SFRP1: variants seen among roughly 807,000 people sequenced by gnomAD.
SFRP1 encodes the protein secreted frizzled-related protein 1.
In SFRP1, 9 loss-of-function variants were observed where a neutral mutation model predicts 25.9. The observed-to-expected ratio is 0.35, with a 90% CI of 0.21 to 0.61. SFRP1 has a LOEUF of 0.61. Ranked by LOEUF, SFRP1 falls within the 20% of genes least tolerant of loss-of-function variation. The pLI is 0.78. For synonymous variants in SFRP1, 178 were observed against 174.0 expected, an observed-to-expected ratio of 1.02 and a Z score of -0.18; for missense variants, 346 against 418.2, an observed-to-expected ratio of 0.83 and a Z score of 1.51.
At chr8:41,286,378 A>C (rs1803702071) in intron 2 of SFRP1, among the ~76,000 whole-genome samples, 1 of 152,222 alleles carries the variant, frequency 6.6e-6, no homozygotes, top group Admixed American at 6.5e-5. Context: ...CCCGCCGCAC[A>C]AACACAGGGA....
At chr8:41,298,245 C>T (rs1255182697) in intron 2 of SFRP1, 4 of 152,106 alleles carry the variant, frequency 2.6e-5, no homozygotes, top group African/African-American at 4.8e-5. Context: ...CACGTGAGTT[C>T]GTGAAGTGTT....
chr8:41,303,585 G>A (rs1803955821), intron 1 of SFRP1, 47 bp from the exon 2 acceptor site: 1 of 1,487,102 alleles, frequency 6.7e-7, no homozygotes, highest in African/African-American at 1.4e-5. Flanking sequence ...TACAGAGCAG[G>A]AAGGGAGCAG....
chr8:41,296,922 T>C (rs1244996639), intron 2 of SFRP1, among the ~76,000 whole-genome samples: 5 of 152,234 alleles, frequency 3.3e-5, no homozygotes, highest in Admixed American at 1.3e-4. Context: ...CATAAGGATG[T>C]CATCTCACTA....
intron 2 of SFRP1, among the ~76,000 whole-genome samples, chr8:41,295,652 G>A (rs1187044393): frequency 6.6e-6 from 1 of 151,894 alleles, no homozygotes; most frequent in Non-Finnish European, 1.5e-5. Flanking sequence ...ATGCGCTGCA[G>A]CACTCACAGA....
chr8:41,265,523 G>A, intron 2 of SFRP1, 34 bp from the exon 3 acceptor site: 1 of 1,499,468 alleles, frequency 6.7e-7, no homozygotes, highest in South Asian at 1.3e-5. Flanking sequence ...AGAGAAAAGA[G>A]GGTAAGAGAA....
At chr8:41,289,716 A>G (rs1803752204) in intron 2 of SFRP1, among the ~76,000 whole-genome samples, 1 of 152,208 alleles carries the variant, frequency 6.6e-6, no homozygotes, top group South Asian at 2.1e-4. Flanking sequence ...CTGAAACCTA[A>G]ACAAAAGAGG....
Position 41,303,517 on chromosome 8 carries a change from CAGGG to C in SFRP1, c.562_565del (p.Pro188ValfsTer5). 1.9e-6 allele frequency: 3 copies of C among 1,613,950 alleles called. No homozygotes were observed. Among genetic ancestry groups the C allele is most frequent in the Non-Finnish European group, 2.5e-6 (3 of 1,179,906 alleles). ...GGCCTCAGATTTCAACTCGTTGTCA[CAGGG>C]AGGACACACCGTTGTGCCTGGGAAA... On this transcript the variant is annotated frameshift_variant, in exon 2 of 3. Coordinates refer to ENST00000220772, the MANE Select transcript of SFRP1 (RefSeq NM_003012.5). LOFTEE classifies it high-confidence loss of function.
In SFRP1 at chr8:41,308,942, T is replaced by C. The variant is rs767514199; in HGVS notation, c.218A>G (p.Tyr73Cys). The change falls in exon 1 of 3, where the codon TAC becomes TGC. Residue 73 changes from tyrosine (Y) to cysteine (C), a missense_variant. Physicochemically the swap from Tyr to Cys is radical, Grantham distance 194 (BLOSUM62 -2). Coordinates refer to ENST00000220772, the MANE Select transcript of SFRP1 (RefSeq NM_003012.5). ...CAGGTTGGGCAGCACCATCTTCTTG[T>C]AGCCCACGTTGTGGCACAGCCGCAG... ...ADLRLCHNVGYKKMVLPNLLE... is the reference protein window; with the variant it reads ...ADLRLCHNVGCKKMVLPNLLE... 3.7e-6 allele frequency: 6 copies of C among 1,613,460 alleles called. No individual in the cohort carries two copies. Among genetic ancestry groups the C allele is most frequent in the Non-Finnish European group, 3.4e-6 (4 of 1,179,930 alleles).
At chr8:41,269,893 C>T (rs7014496) in intron 2 of SFRP1, among the ~76,000 whole-genome samples, 22,867 of 152,082 alleles carry the variant, frequency 0.15, 2,876 homozygotes, top group East Asian at 0.38. Context: ...TACTAGAGAG[C>T]GCCTTCGTCA....
chr8:41,288,566 A>C (rs927067952), intron 2 of SFRP1, among the ~76,000 whole-genome samples: 4 of 133,448 alleles, frequency 3.0e-5, no homozygotes, highest in African/African-American at 8.6e-5. Flanking sequence ...AAAAAAAAAA[A>C]AACTGCAATG....
In SFRP1 at chr8:41,263,538, C is replaced by A. The variant is rs1803399168; in HGVS notation, c.*1629G>T. On this transcript the variant is annotated 3_prime_UTR_variant, in exon 3 of 3. Coordinates refer to ENST00000220772, the MANE Select transcript of SFRP1 (RefSeq NM_003012.5). ...CGCAGGGGGCCACTTTACAGCCTCACTGCAGCATCCTCACTGGGTATAAGC... is the reference window on the plus strand; with the variant it reads ...CGCAGGGGGCCACTTTACAGCCTCAATGCAGCATCCTCACTGGGTATAAGC... 6.6e-6 allele frequency: 1 copy of A among 152,264 alleles called. No individual in the cohort carries two copies. The highest frequency in any genetic ancestry group is 6.5e-5 in the Admixed American group (1 of 15,286). The allele number at this position is 152,264 out of a possible 1,614,324, so 9.4% of individuals were successfully genotyped here. A position where few individuals can be genotyped will look rare whatever the true frequency, so the allele number is the denominator to read the frequency against.
At chr8:41,278,476 T>A (rs571362002) in intron 2 of SFRP1, among the ~76,000 whole-genome samples, 1 of 152,344 alleles carries the variant, frequency 6.6e-6, no homozygotes, top group African/African-American at 2.4e-5. Context: ...GATGGATCCG[T>A]TCATTTCAGT....
Position 41,293,675 on chromosome 8 carries a change from C to T in SFRP1, c.622+9786G>A, listed in dbSNP as rs567719466. 3.5e-4 allele frequency among the ~76,000 whole-genome samples: 54 copies of T among 152,224 alleles called. No individual in the cohort carries two copies. In the South Asian group the frequency reaches 5.2e-3, roughly 15 times the overall value. ...TGAGTGCTAGAACTACGCACAAAGG[C>T]ATCTGAAGTTACCAAAGAGCAGAGA... On this transcript the variant is annotated intron_variant, in intron 2 of 2. Coordinates refer to ENST00000220772, the MANE Select transcript of SFRP1 (RefSeq NM_003012.5).
chr8:41,274,488 C>T (rs1012301964), intron 2 of SFRP1, among the ~76,000 whole-genome samples: 1 of 152,148 alleles, frequency 6.6e-6, no homozygotes, highest in Non-Finnish European at 1.5e-5. Flanking sequence ...ATAAATTAAA[C>T]ACTGAATATT....
Position 41,265,262 on chromosome 8 carries a change from T to C in SFRP1, c.850A>G (p.Ile284Val), listed in dbSNP as rs1370482202. ...KVKSQYLLTA[I>V]HKWDKKNKEF... ...TTGTTTTTCTTGTCCCACTTGTGGA[T>C]GGCCGTCAGCAAGTACTGGCTCTTC... The change falls in exon 3 of 3, where the codon ATC (isoleucine) becomes GTC (valine). Residue 284 changes from isoleucine (I) to valine (V), a missense_variant. Ile to Val is a conservative substitution (Grantham distance 29, BLOSUM62 3). Coordinates refer to ENST00000220772, the MANE Select transcript of SFRP1 (RefSeq NM_003012.5). The C allele has an allele frequency of 6.2e-7, 1 of 1,614,156 alleles. No individual in the cohort carries two copies. The highest frequency in any genetic ancestry group is 8.5e-7 in the Non-Finnish European group (1 of 1,180,008).
intron 2 of SFRP1, among the ~76,000 whole-genome samples, chr8:41,298,896 A>G (rs547776751): frequency 6.0e-4 from 91 of 152,258 alleles, no homozygotes; most frequent in African/African-American, 2.1e-3. Context: ...CATCCCACTC[A>G]TCCCTTTTCC....
At chr8:41,287,202 AG>A (rs1204305651) in intron 2 of SFRP1, among the ~76,000 whole-genome samples, 1 of 152,192 alleles carries the variant, frequency 6.6e-6, no homozygotes, top group Non-Finnish European at 1.5e-5. Context: ...CAGTCCTAAA[AG>A]GTGGACATCC....
At chr8:41,294,906 T>C (rs759077459) in intron 2 of SFRP1, among the ~76,000 whole-genome samples, 3 of 152,104 alleles carry the variant, frequency 2.0e-5, no homozygotes, top group South Asian at 2.1e-4. Context: ...GGACCCAGCG[T>C]GCAGCATGAG....
At position 41,293,023 on chromosome 8, in the gene SFRP1, G is replaced by A. The variant is rs554267158; in HGVS notation, c.622+10438C>T. Among the ~76,000 whole-genome samples the A allele has an allele frequency of 9.2e-5, 14 of 152,338 alleles. No individual in the cohort carries two copies. The South Asian group carries it at 2.1e-3, about 23-fold the overall frequency. ...AGTGGAAGCAGCGGCTGCGGGTTAC[G>A]TGGAGGTGAGAGGCTGCTCTCAAGA... is the stretch of plus-strand genomic sequence containing the variant. On this transcript the variant is annotated intron_variant, in intron 2 of 2. Transcript: ENST00000220772.
Sources: gnomAD v4.1 joint callset for allele counts (sites outside exome capture counted in the v4.1 genomes callset) on GRCh38, gnomAD v4.1.1 for gene constraint, MANE v1.5 for transcripts, NCBI Gene and HGNC (gene_info 2026-07-23, HGNC 2026-07-21) for gene names.